Variants in ARHGAP31 observed in about 807,000 individuals in gnomAD.
ARHGAP31 encodes the protein Rho GTPase activating protein 31.
ARHGAP31 carries 34 observed loss-of-function variants against 113.9 expected under a neutral mutation model. The ratio of observed to expected loss-of-function variants is 0.30; its 90% CI spans 0.23 to 0.40. The LOEUF (loss-of-function observed/expected upper bound fraction) is 0.40. ARHGAP31 is among the 10% of genes least tolerant of loss of function. ARHGAP31 has a pLI of 1.00. For missense variants in ARHGAP31, 1,548 were observed against 1,767.1 expected, an observed-to-expected ratio of 0.88 and a Z score of 2.22; for synonymous variants, 650 against 684.8, an observed-to-expected ratio of 0.95 and a Z score of 0.79.
At chr3:119,337,760 T>C (rs1452050364) in intron 1 of ARHGAP31, among the ~76,000 whole-genome samples, 3 of 152,326 alleles carry the variant, frequency 2.0e-5, no homozygotes, top group Middle Eastern at 3.4e-3. Flanking sequence ...AGAAAATTTC[T>C]CCAAGTGCCC....
At chr3:119,409,411 C>T (rs192774495) in intron 10 of ARHGAP31, 85 bp from the exon 11 acceptor site, 6 of 1,514,350 alleles carry the variant, frequency 4.0e-6, no homozygotes, top group Non-Finnish European at 5.5e-6. Context: ...GAAACAGGGC[C>T]AGGAGACAGG....
chr3:119,371,942 T>C (rs933032215), intron 3 of ARHGAP31, among the ~76,000 whole-genome samples: 5 of 152,230 alleles, frequency 3.3e-5, no homozygotes, highest in Admixed American at 6.5e-5. Flanking sequence ...CATGATCTTA[T>C]TCTTTTTTAA....
intron 1 of ARHGAP31, among the ~76,000 whole-genome samples, chr3:119,352,369 T>C (rs892237423): frequency 1.3e-5 from 2 of 152,192 alleles, no homozygotes; most frequent in Non-Finnish European, 2.9e-5. Flanking sequence ...GCTCATTCGC[T>C]ACTGATGACT....
chr3:119,361,088 C>A (rs1484425611), intron 1 of ARHGAP31, among the ~76,000 whole-genome samples: 1 of 152,200 alleles, frequency 6.6e-6, no homozygotes, highest in African/African-American at 2.4e-5. Flanking sequence ...TCTGATAGGA[C>A]CCCTGGGACA....
At chr3:119,373,680 T>G (rs1400676706) in intron 3 of ARHGAP31, among the ~76,000 whole-genome samples, 1 of 152,108 alleles carries the variant, frequency 6.6e-6, no homozygotes, top group Non-Finnish European at 1.5e-5. Context: ...ACCAGGCTGG[T>G]CTCAAACTCC....
In ARHGAP31 at chr3:119,401,807, G is replaced by C; in HGVS notation, c.1070-15G>C. On this transcript the variant is annotated splice_polypyrimidine_tract_variant and intron_variant, in intron 9 of 11. Transcript: ENST00000264245. ...TGCCCCGGCTGCTGACCATACACTT[G>C]TTCCTTTTTACTAGGAAAAGAAACC... The C allele has an allele frequency of 6.2e-7, 1 of 1,613,518 alleles. No homozygotes were observed. The highest frequency in any genetic ancestry group is 8.5e-7 in the Non-Finnish European group (1 of 1,179,864).
chr3:119,319,133 C>T lies in ARHGAP31; in HGVS notation c.100+24129C>T, dbSNP rs2079760072. On this transcript the variant is annotated intron_variant, in intron 1 of 11. Coordinates refer to ENST00000264245, the MANE Select transcript of ARHGAP31 (RefSeq NM_020754.4). Reference sequence around the variant, plus strand: ...TGAGGATTCCAAAGCTCGGCTCAAACGCATTTTCAACCAGAACAAGACACC... The same window carrying T: ...TGAGGATTCCAAAGCTCGGCTCAAATGCATTTTCAACCAGAACAAGACACC... Among the ~76,000 whole-genome samples, 3 of 151,496 alleles carry T rather than the reference C, an allele frequency of 2.0e-5. 1 individual carries two copies. In the South Asian group the frequency reaches 6.3e-4, roughly 32 times the overall value.
intron 3 of ARHGAP31, among the ~76,000 whole-genome samples, chr3:119,374,397 G>T (rs532051086): frequency 5.3e-5 from 8 of 152,210 alleles, no homozygotes; most frequent in Admixed American, 4.6e-4. Flanking sequence ...CACCAGAAGC[G>T]GATACTGGAA....
At chr3:119,367,121 T>C (rs1440734846) in intron 2 of ARHGAP31, among the ~76,000 whole-genome samples, 1 of 151,264 alleles carries the variant, frequency 6.6e-6, no homozygotes, top group Non-Finnish European at 1.5e-5. Context: ...ATGGCATAGA[T>C]CTCTTTTCAA....
At chr3:119,302,202 C>G (rs2079590351) in intron 1 of ARHGAP31, among the ~76,000 whole-genome samples, 1 of 152,230 alleles carries the variant, frequency 6.6e-6, no homozygotes. Flanking sequence ...GGGCTGGCCT[C>G]AAGTACTGAT....
Position 119,382,418 on chromosome 3 carries a change from C to CCCTGGG in ARHGAP31, c.539+20_539+21insCTGGGC. 6.2e-7 allele frequency: 1 copy of CCCTGGG among 1,607,736 alleles called. No individual in the cohort carries two copies. Among genetic ancestry groups the CCCTGGG allele is most frequent in the Non-Finnish European group, 8.5e-7 (1 of 1,174,122 alleles). ...TCCTCAGGTAACCACTCTACCCTCC[C>CCCTGGG]CTTGTCACCAGCCCAGGGGGCTCAG... is the stretch of plus-strand genomic sequence containing the variant. On this transcript the variant is annotated intron_variant, in intron 5 of 11. Coordinates refer to ENST00000264245, the MANE Select transcript of ARHGAP31 (RefSeq NM_020754.4).
Position 119,416,010 on chromosome 3 carries a change from C to T in ARHGAP31, c.4081C>T (p.Pro1361Ser). The change falls in exon 12 of 12, where the codon CCC becomes TCC. Residue 1361 changes from proline to serine, a missense_variant. Physicochemically the swap from Pro to Ser is moderately conservative, Grantham distance 74 (BLOSUM62 -1). Transcript: ENST00000264245. ...TCCTTTCCCCATTATGGACCACCTG[C>T]CCCCTTCATCCACAGTGACAGATTC... ...SPPFPIMDHL[P>S]PSSTVTDSKV... The T allele has an allele frequency of 1.2e-6, 2 of 1,614,200 alleles. No individual in the cohort carries two copies. Among genetic ancestry groups the T allele is most frequent in the Non-Finnish European group, 1.7e-6 (2 of 1,180,026 alleles).
chr3:119,362,819 A>T (rs1216418604), intron 1 of ARHGAP31, among the ~76,000 whole-genome samples: 1 of 151,702 alleles, frequency 6.6e-6, no homozygotes, highest in African/African-American at 2.4e-5. Flanking sequence ...TTTGACCTGT[A>T]CGAGGTTGGT....
chr3:119,379,192 C>T (rs146873531), intron 3 of ARHGAP31, among the ~76,000 whole-genome samples: 1 of 152,336 alleles, frequency 6.6e-6, no homozygotes, highest in Non-Finnish European at 1.5e-5. Context: ...TCATCACGTC[C>T]CAGCACTCAC....
intron 6 of ARHGAP31, among the ~76,000 whole-genome samples, chr3:119,385,269 A>C (rs1185368486): frequency 6.6e-6 from 1 of 151,886 alleles, no homozygotes; most frequent in Admixed American, 6.6e-5. Context: ...AAGGTTTACC[A>C]ATCTTGTTGT....
chr3:119,301,222 C>A (rs550831662), intron 1 of ARHGAP31, among the ~76,000 whole-genome samples: 2 of 152,314 alleles, frequency 1.3e-5, no homozygotes, highest in South Asian at 4.1e-4. Context: ...CTTTCTCCTC[C>A]CCTTTCTACC....
chr3:119,309,322 T>A (rs2079657888), intron 1 of ARHGAP31, among the ~76,000 whole-genome samples: 1 of 152,230 alleles, frequency 6.6e-6, no homozygotes. Context: ...GTCAGTAATA[T>A]GTGTTCAGCC....
chr3:119,325,787 A>G (rs2079836280), intron 1 of ARHGAP31, among the ~76,000 whole-genome samples: 1 of 152,228 alleles, frequency 6.6e-6, no homozygotes, highest in Admixed American at 6.5e-5. Context: ...AACTTCGCTT[A>G]ATATTAGAAT....
At chr3:119,380,845 G>A in intron 3 of ARHGAP31, 59 bp from the exon 4 acceptor site, 1 of 1,427,940 alleles carries the variant, frequency 7.0e-7, no homozygotes, top group Non-Finnish European at 9.9e-7. Flanking sequence ...CCCAGCACAT[G>A]CAGATGGCTG....
Sources: gnomAD v4.1 joint callset for allele counts (sites outside exome capture counted in the v4.1 genomes callset) on GRCh38, gnomAD v4.1.1 for gene constraint, MANE v1.5 for transcripts, NCBI Gene and HGNC (gene_info 2026-07-23, HGNC 2026-07-21) for gene names.